Variants in TOX observed in about 807,000 individuals in gnomAD.
TOX encodes thymocyte selection associated high mobility group box.
A neutral mutation model predicts 53.7 loss-of-function variants in TOX; 11 were observed. That is an observed-to-expected ratio of 0.20 (90% CI 0.13 to 0.34). TOX has a LOEUF of 0.34. Among genes scored for constraint, TOX ranks in the 10% least tolerant of loss-of-function variants. The probability of loss-of-function intolerance (pLI) is 1.00; values close to 1 mark genes in which losing one functional copy is unlikely to be tolerated. For missense variants in TOX, 570 were observed against 664.6 expected (o/e 0.86, Z 1.56); for synonymous variants, 225 against 245.3 (o/e 0.92, Z 0.77).
At chr8:59,013,703 C>G (rs1359163595) in intron 1 of TOX, among the ~76,000 whole-genome samples, 1 of 152,192 alleles carries the variant, frequency 6.6e-6, no homozygotes, top group Non-Finnish European at 1.5e-5. Context: ...GCCAGCGCAC[C>G]TGGCCATCAA....
At chr8:58,868,623 TAAGA>T (rs1418928112) in intron 3 of TOX, among the ~76,000 whole-genome samples, 2 of 152,012 alleles carry the variant, frequency 1.3e-5, no homozygotes, top group African/African-American at 2.4e-5. Flanking sequence ...ATGAATAACT[TAAGA>T]AAGAGCTACA....
chr8:58,821,525 A>T (rs965238762), intron 6 of TOX, among the ~76,000 whole-genome samples: 3 of 152,118 alleles, frequency 2.0e-5, no homozygotes, highest in Admixed American at 6.5e-5. Flanking sequence ...TCTAGGTCCA[A>T]TGTTGTACAG....
chr8:58,871,495 A>G (rs1811198363), intron 3 of TOX, among the ~76,000 whole-genome samples: 2 of 152,192 alleles, frequency 1.3e-5, no homozygotes, highest in African/African-American at 4.8e-5. Flanking sequence ...ATATGAAACA[A>G]CCTCATTGAA....
At chr8:58,817,106 A>G (rs1043629001) in intron 6 of TOX, among the ~76,000 whole-genome samples, 2 of 152,124 alleles carry the variant, frequency 1.3e-5, no homozygotes, top group African/African-American at 2.4e-5. Flanking sequence ...AGTATGCCAA[A>G]CCATGGAAAC....
chr8:58,825,261 T>C (rs1810347002), intron 6 of TOX, among the ~76,000 whole-genome samples: 1 of 152,158 alleles, frequency 6.6e-6, no homozygotes, highest in South Asian at 2.1e-4. Context: ...TAGATGGTTG[T>C]ACATAAATAG....
chr8:58,999,508 C>T (rs564188900), intron 1 of TOX, among the ~76,000 whole-genome samples: 23 of 152,074 alleles, frequency 1.5e-4, no homozygotes, highest in Admixed American at 1.3e-3. Context: ...GGCCCTGAAA[C>T]GAGGTGGGAG....
intron 3 of TOX, among the ~76,000 whole-genome samples, chr8:58,927,467 T>C (rs1213818848): frequency 6.6e-6 from 1 of 152,170 alleles, no homozygotes; most frequent in Non-Finnish European, 1.5e-5. Context: ...ACCTGCCAGC[T>C]GTCCATCCCT....
intron 1 of TOX, among the ~76,000 whole-genome samples, chr8:59,002,378 G>C (rs1411146153): frequency 6.6e-6 from 1 of 151,518 alleles, no homozygotes; most frequent in African/African-American, 2.4e-5. Flanking sequence ...GGATCACGAG[G>C]TCAGGAGATG....
chr8:59,052,542 C>A lies in TOX; in HGVS notation c.102+66344G>T, dbSNP rs76908317. Among the ~76,000 whole-genome samples, 60 of 152,282 alleles carry A rather than the reference C, an allele frequency of 3.9e-4. No homozygotes were observed. The East Asian group carries it at 0.011, about 28-fold the overall frequency. ...AGTTGACTATTCTTAAAACAAAAAT[C>A]TCAATTTCTCCATTTACCAGAAAGC... is the stretch of plus-strand genomic sequence containing the variant. On this transcript the variant is annotated intron_variant, in intron 1 of 8. Transcript: ENST00000361421.
At chr8:58,873,018 A>G (rs912198817) in intron 3 of TOX, among the ~76,000 whole-genome samples, 10 of 152,134 alleles carry the variant, frequency 6.6e-5, no homozygotes, top group African/African-American at 2.4e-4. Flanking sequence ...CTTCTCTAAA[A>G]TAAAAAACTT....
intron 1 of TOX, among the ~76,000 whole-genome samples, chr8:59,022,595 C>T (rs1025602611): frequency 6.6e-6 from 1 of 152,126 alleles, no homozygotes; most frequent in Non-Finnish European, 1.5e-5. Flanking sequence ...TGTGATCTTA[C>T]TTTTCAGATT....
At chr8:58,873,896 T>C (rs114807056) in intron 3 of TOX, among the ~76,000 whole-genome samples, 4,261 of 150,682 alleles carry the variant, frequency 0.028, 180 homozygotes, top group African/African-American at 0.088. Flanking sequence ...AGACCAGAGA[T>C]TTCCTGAGTG....
At chr8:59,053,955 C>CT (rs1563431312) in intron 1 of TOX, among the ~76,000 whole-genome samples, 1 of 152,020 alleles carries the variant, frequency 6.6e-6, no homozygotes, top group Non-Finnish European at 1.5e-5. Context: ...TCTTATTAAA[C>CT]TTTTTTAACT....
chr8:59,016,580 T>C (rs1008713376), intron 1 of TOX, among the ~76,000 whole-genome samples: 3 of 152,212 alleles, frequency 2.0e-5, no homozygotes, highest in Non-Finnish European at 2.9e-5. Flanking sequence ...AATATTACCA[T>C]GTAAAACTGC....
intron 2 of TOX, among the ~76,000 whole-genome samples, chr8:58,956,961 C>A (rs1448969169): frequency 6.6e-6 from 1 of 152,216 alleles, no homozygotes; most frequent in Non-Finnish European, 1.5e-5. Context: ...AGTTACATCT[C>A]TAGACTTGTT....
chr8:59,109,244 C>T (rs1202827220), intron 1 of TOX, among the ~76,000 whole-genome samples: 1 of 152,018 alleles, frequency 6.6e-6, no homozygotes, highest in Non-Finnish European at 1.5e-5. Flanking sequence ...AAGGAGCTCA[C>T]GGCTATAACA....
At chr8:58,939,257 T>G (rs1481712968) in intron 3 of TOX, 45 bp downstream of exon 3, 3 of 1,606,820 alleles carry the variant, frequency 1.9e-6, no homozygotes, top group Non-Finnish European at 2.6e-6. Context: ...CTTGTCCTTA[T>G]GGTATCCCTC....
At chr8:59,100,932 A>C (rs964142023) in intron 1 of TOX, among the ~76,000 whole-genome samples, 52 of 152,232 alleles carry the variant, frequency 3.4e-4, no homozygotes, top group African/African-American at 1.1e-3. Context: ...CAATTTTTAA[A>C]AATTCATTCC....
chr8:59,085,552 C>T (rs1029719656), intron 1 of TOX, among the ~76,000 whole-genome samples: 1 of 152,154 alleles, frequency 6.6e-6, no homozygotes, highest in Non-Finnish European at 1.5e-5. Context: ...CCACACTTGG[C>T]TAATTTATTG....
Sources: gnomAD v4.1 joint callset for allele counts (sites outside exome capture counted in the v4.1 genomes callset) on GRCh38, gnomAD v4.1.1 for gene constraint, MANE v1.5 for transcripts, NCBI Gene and HGNC (gene_info 2026-07-23, HGNC 2026-07-21) for gene names.